Variants in NDRG1 observed in about 807,000 individuals in gnomAD.
NDRG1 encodes N-myc downstream regulated 1.
In NDRG1, 32 loss-of-function variants were observed where a neutral mutation model predicts 56.9. The ratio of observed to expected loss-of-function variants is 0.56; its 90% CI spans 0.42 to 0.76. The LOEUF is 0.76. Among genes scored for constraint, NDRG1 ranks in the 30% least tolerant of loss-of-function variants. The pLI is 0.00. For synonymous variants in NDRG1, 211 were observed against 204.1 expected (o/e 1.03, Z -0.29); for missense variants, 507 against 545.7 (o/e 0.93, Z 0.71).
At chr8:133,283,568 A>G (rs751580648) in intron 2 of NDRG1, among the ~76,000 whole-genome samples, 2 of 152,232 alleles carry the variant, frequency 1.3e-5, no homozygotes, top group Non-Finnish European at 2.9e-5. Context: ...GCCCAAAAAG[A>G]TAATAATAGC....
intron 3 of NDRG1, among the ~76,000 whole-genome samples, chr8:133,272,916 A>T (rs1333035172): frequency 6.6e-6 from 1 of 152,242 alleles, no homozygotes; most frequent in Non-Finnish European, 1.5e-5. Flanking sequence ...AATTAGCAAA[A>T]GGTCACCATT....
chr8:133,269,505 T>C (rs539265476), intron 3 of NDRG1, among the ~76,000 whole-genome samples: 1 of 152,308 alleles, frequency 6.6e-6, no homozygotes, highest in African/African-American at 2.4e-5. Flanking sequence ...CTCACACGTG[T>C]TTTCTCATTA....
intron 10 of NDRG1, among the ~76,000 whole-genome samples, chr8:133,249,059 T>C (rs557701885): frequency 9.9e-5 from 15 of 152,266 alleles, no homozygotes; most frequent in African/African-American, 2.6e-4. Context: ...TTCTCCACCA[T>C]AGAGGGTCCC....
At chr8:133,258,234 C>A in intron 7 of NDRG1, 132 bp downstream of exon 7, 3 of 901,314 alleles carry the variant, frequency 3.3e-6, no homozygotes, top group Non-Finnish European at 5.4e-6. Context: ...ACCACACACA[C>A]ACACACACAC....
At chr8:133,264,323 T>A (rs958652201) in intron 4 of NDRG1, among the ~76,000 whole-genome samples, 1 of 152,216 alleles carries the variant, frequency 6.6e-6, no homozygotes, top group Non-Finnish European at 1.5e-5. Flanking sequence ...AGCAAACAGC[T>A]TCCTGTGTTC....
intron 3 of NDRG1, among the ~76,000 whole-genome samples, chr8:133,271,462 C>T (rs1205756055): frequency 1.3e-5 from 2 of 152,254 alleles, no homozygotes; most frequent in East Asian, 1.9e-4. Flanking sequence ...CCTGGTTCAT[C>T]GCCTATGCCC....
In NDRG1 at chr8:133,237,690, T is replaced by TGCCCCCCCC; in HGVS notation, c.*1187_*1188insGGGGGGGGC. 1.3e-5 allele frequency: 3 copies of TGCCCCCCCC among 228,684 alleles called. No individual in the cohort carries two copies. Among genetic ancestry groups the TGCCCCCCCC allele is most frequent in the East Asian group, 6.2e-5 (1 of 16,132 alleles). The allele number at this position is 228,684 out of a possible 1,614,324, so 14.2% of individuals were successfully genotyped here. A position where few individuals can be genotyped will look rare whatever the true frequency, so the allele number is the denominator to read the frequency against. On this transcript the variant is annotated 3_prime_UTR_variant, in exon 16 of 16. Transcript: ENST00000323851. The stretch of plus-strand genomic sequence containing the variant: ...CTCAGCCACCGCTCCCCACGTGAGT[T>TGCCCCCCCC]CCCACCCCCACCCCGACAAGAGCAA...
chr8:133,253,695 G>A (rs1397681652), intron 9 of NDRG1, among the ~76,000 whole-genome samples: 1 of 152,168 alleles, frequency 6.6e-6, no homozygotes, highest in South Asian at 2.1e-4. Flanking sequence ...GCACTAAAAA[G>A]GAATAAACTT....
chr8:133,269,795 C>A (rs1371540015), intron 3 of NDRG1, among the ~76,000 whole-genome samples: 3 of 152,242 alleles, frequency 2.0e-5, no homozygotes, highest in Non-Finnish European at 4.4e-5. Flanking sequence ...AACACTCGTA[C>A]CTCCCCAGCG....
At chr8:133,273,429 G>A (rs1470241979) in intron 3 of NDRG1, among the ~76,000 whole-genome samples, 1 of 152,130 alleles carries the variant, frequency 6.6e-6, no homozygotes, top group African/African-American at 2.4e-5. Context: ...GCGTGACACT[G>A]GGCAAATCCC....
At chr8:133,296,133 C>A (rs1369608766) in intron 1 of NDRG1, among the ~76,000 whole-genome samples, 3 of 152,172 alleles carry the variant, frequency 2.0e-5, no homozygotes, top group Non-Finnish European at 2.9e-5. Context: ...CCAAGCCCAG[C>A]CCGAAATCTC....
intron 15 of NDRG1, 128 bp from the exon 16 acceptor site, chr8:133,239,247 C>T: frequency 7.0e-7 from 1 of 1,426,156 alleles, no homozygotes; most frequent in Non-Finnish European, 9.5e-7. Context: ...CTGCAGCCAT[C>T]CAGCTGCTGG....
intron 1 of NDRG1, among the ~76,000 whole-genome samples, chr8:133,292,286 T>C (rs1858473439): frequency 6.6e-6 from 1 of 152,206 alleles, no homozygotes; most frequent in Admixed American, 6.5e-5. Flanking sequence ...GATGGGATGC[T>C]AGCCACGCTA....
At chr8:133,251,572 CA>C (rs2130702304) in intron 9 of NDRG1, among the ~76,000 whole-genome samples, 1 of 152,322 alleles carries the variant, frequency 6.6e-6, no homozygotes, top group East Asian at 1.9e-4. Context: ...ATCCCTCCTC[CA>C]GTGAAACAGA....
At chr8:133,261,365 C>T (rs1414861063) in intron 5 of NDRG1, among the ~76,000 whole-genome samples, 1 of 152,150 alleles carries the variant, frequency 6.6e-6, no homozygotes, top group Non-Finnish European at 1.5e-5. Flanking sequence ...CTCCCAACCT[C>T]GGTGGTCCGC....
intron 1 of NDRG1, among the ~76,000 whole-genome samples, chr8:133,288,007 A>C (rs1858218913): frequency 6.6e-6 from 1 of 152,110 alleles, no homozygotes; most frequent in African/African-American, 2.4e-5. Flanking sequence ...ACACACTTGC[A>C]AACTTTCATT....
At chr8:133,270,344 T>A (rs896666784) in intron 3 of NDRG1, among the ~76,000 whole-genome samples, 22 of 152,222 alleles carry the variant, frequency 1.4e-4, no homozygotes, top group African/African-American at 4.8e-4. Context: ...TGGCAGACTC[T>A]GTTGGTTGGC....
chr8:133,242,033 G>C lies in NDRG1; in HGVS notation c.933C>G (p.Gly311=). 1 of 1,614,192 alleles carries C rather than the reference G, an allele frequency of 6.2e-7. No individual in the cohort carries two copies. ...LAEAFKYFVQ[G]MGYMPSASMT... ...GAATGCCATACTCACTGTATCCCAT[G>C]CCCTGCACGAAGTACTTGAAGGCCT... Residue 311 remains glycine (G), a synonymous_variant, in exon 15 of 16, where the codon GGC becomes GGG. Coordinates refer to ENST00000323851, the MANE Select transcript of NDRG1 (RefSeq NM_006096.4).
At chr8:133,256,676 AAG>A (rs1313634193) in intron 8 of NDRG1, 99 bp downstream of exon 8, 25 of 1,134,386 alleles carry the variant, frequency 2.2e-5, no homozygotes, top group Non-Finnish European at 2.9e-5. Context: ...GGAGTGGGTA[AAG>A]AGAGAGCTCG....
Sources: allele counts gnomAD v4.1 joint callset (sites outside exome capture counted in the v4.1 genomes callset), GRCh38; gene constraint gnomAD v4.1.1; transcripts MANE v1.5; gene names NCBI Gene and HGNC (gene_info 2026-07-23, HGNC 2026-07-21).